The following SORCS2 variants were observed in gnomAD, a reference collection of about 807,000 sequenced individuals.
The protein encoded by SORCS2 is sortilin related VPS10 domain containing receptor 2.
SORCS2 carries 100 observed loss-of-function variants against 141.6 expected under a neutral mutation model. The ratio of observed to expected loss-of-function variants is 0.71; its 90% CI spans 0.60 to 0.83. SORCS2 has a LOEUF of 0.83. Ranked by LOEUF, SORCS2 falls within the 40% of genes least tolerant of loss-of-function variation. The pLI is 0.00. For synonymous variants in SORCS2, 789 were observed against 676.9 expected, an observed-to-expected ratio of 1.17 and a Z score of -2.57; for missense variants, 1,646 against 1,560.2, an observed-to-expected ratio of 1.05 and a Z score of -0.93.
Position 7,740,231 on chromosome 4 carries a change from C to T in SORCS2, c.3447C>T (p.Asn1149=), listed in dbSNP as rs780275829. 5.1e-5 allele frequency: 82 copies of T among 1,609,874 alleles called. No homozygotes were observed. Among genetic ancestry groups the T allele is most frequent in the Non-Finnish European group, 6.5e-5 (77 of 1,179,526 alleles). The change falls in exon 27 of 27, where the codon AAC becomes AAT. Residue 1149 remains asparagine, a synonymous_variant. Transcript: ENST00000507866. Reference sequence around the variant, plus strand: ...ACTCAGGCGTGGTCCTGAGCATCAACTCCCGAGAGATGCACAGCTACCTGG... The same window carrying T: ...ACTCAGGCGTGGTCCTGAGCATCAATTCCCGAGAGATGCACAGCTACCTGG... ...GNHSGVVLSI[N]SREMHSYLVS
rs755170106 is a variant in SORCS2, at chr4:7,740,681, C to T, written c.*417C>T. The T allele has an allele frequency of 5.4e-5, 15 of 278,836 alleles. No individual in the cohort carries two copies. Among genetic ancestry groups the T allele is most frequent in the Non-Finnish European group, 7.4e-5 (11 of 147,914 alleles). 17.3% of individuals were successfully genotyped at this position (278,836 alleles called of 1,614,324 possible). A position where few individuals can be genotyped will look rare whatever the true frequency, so the allele number is the denominator to read the frequency against. On this transcript the variant is annotated 3_prime_UTR_variant, in exon 27 of 27. Coordinates refer to ENST00000507866, the MANE Select transcript of SORCS2 (RefSeq NM_020777.3). ...TTGCGGGCTCCTTCCCCGCAGAGGC[C>T]GGGGCCTCCCTGACTTTGCTTCTTC...
chr4:7,694,373 C>T (rs369428641), intron 11 of SORCS2, among the ~76,000 whole-genome samples: 5 of 152,152 alleles, frequency 3.3e-5, no homozygotes. Flanking sequence ...TTTCTGGAGG[C>T]CCTTCCACTC....
intron 2 of SORCS2, among the ~76,000 whole-genome samples, chr4:7,493,070 G>A (rs1290741591): frequency 6.6e-6 from 1 of 152,202 alleles, no homozygotes; most frequent in Non-Finnish European, 1.5e-5. Flanking sequence ...TCTGGGGTGT[G>A]GCCATGCTCC....
intron 3 of SORCS2, among the ~76,000 whole-genome samples, chr4:7,582,097 T>A (rs1716198534): frequency 6.6e-6 from 1 of 152,208 alleles, no homozygotes; most frequent in African/African-American, 2.4e-5. Context: ...TACCACTTAT[T>A]GGAGACATAT....
At chr4:7,585,197 G>A (rs6835799) in intron 3 of SORCS2, among the ~76,000 whole-genome samples, 12,680 of 152,216 alleles carry the variant, frequency 0.083, 726 homozygotes, top group African/African-American at 0.16. Flanking sequence ...CAGGATGGTC[G>A]GGGAAGCCTC....
At chr4:7,510,840 C>A (rs1311929126) in intron 2 of SORCS2, among the ~76,000 whole-genome samples, 2 of 152,238 alleles carry the variant, frequency 1.3e-5, no homozygotes, top group Non-Finnish European at 2.9e-5. Context: ...CACCCAACAT[C>A]ATGCTCTGTC....
chr4:7,395,060 C>T (rs562578747), intron 1 of SORCS2, among the ~76,000 whole-genome samples: 33 of 152,330 alleles, frequency 2.2e-4, no homozygotes, highest in African/African-American at 5.3e-4. Context: ...AAGAGAAAAT[C>T]GCTTTGTTCC....
chr4:7,738,107 C>T (rs1033298321), intron 26 of SORCS2, among the ~76,000 whole-genome samples: 1 of 152,228 alleles, frequency 6.6e-6, no homozygotes, highest in Non-Finnish European at 1.5e-5. Flanking sequence ...GGGGAGGGGA[C>T]ACGGACTGCA....
chr4:7,215,419 C>A (rs544329666), intron 1 of SORCS2, among the ~76,000 whole-genome samples: 1 of 152,218 alleles, frequency 6.6e-6, no homozygotes, highest in African/African-American at 2.4e-5. Flanking sequence ...CCCCCGACTC[C>A]GTGGGTTCCT....
chr4:7,463,583 C>T (rs1729438954), intron 2 of SORCS2, among the ~76,000 whole-genome samples: 1 of 152,180 alleles, frequency 6.6e-6, no homozygotes, highest in Admixed American at 6.5e-5. Context: ...TTCTCCACGT[C>T]TCTGTTAAAA....
chr4:7,380,050 G>T (rs185309266), intron 1 of SORCS2, among the ~76,000 whole-genome samples: 3 of 152,250 alleles, frequency 2.0e-5, no homozygotes, highest in Admixed American at 6.5e-5. Context: ...GTCACCAAAG[G>T]TTGCTCAACA....
At chr4:7,707,324 C>A (rs1373248134) in intron 14 of SORCS2, among the ~76,000 whole-genome samples, 1 of 152,190 alleles carries the variant, frequency 6.6e-6, no homozygotes, top group East Asian at 1.9e-4. Flanking sequence ...CCTAGTCTGC[C>A]TCCCAGCTCC....
chr4:7,343,121 G>T (rs894451628), intron 1 of SORCS2, among the ~76,000 whole-genome samples: 5 of 151,886 alleles, frequency 3.3e-5, no homozygotes, highest in African/African-American at 1.2e-4. Context: ...CACGGCAACA[G>T]GAGCATTAGG....
chr4:7,737,641 A>T (rs1044118823), intron 26 of SORCS2, among the ~76,000 whole-genome samples: 1 of 152,192 alleles, frequency 6.6e-6, no homozygotes, highest in African/African-American at 2.4e-5. Context: ...TTTATGAAGC[A>T]TTTCCACTGA....
chr4:7,457,310 C>G (rs1274966819), intron 2 of SORCS2, among the ~76,000 whole-genome samples: 1 of 152,194 alleles, frequency 6.6e-6, no homozygotes, highest in Admixed American at 6.5e-5. Context: ...GACATGCAGC[C>G]AGGCCTGGAG....
At chr4:7,238,562 C>T (rs987293439) in intron 1 of SORCS2, among the ~76,000 whole-genome samples, 1 of 151,994 alleles carries the variant, frequency 6.6e-6, no homozygotes. Context: ...CGTGTGCTCA[C>T]GTGTGTGCAT....
intron 3 of SORCS2, among the ~76,000 whole-genome samples, chr4:7,554,110 GAAA>G (rs1560381646): frequency 4.8e-4 from 73 of 152,102 alleles, no homozygotes; most frequent in Admixed American, 2.1e-3. Flanking sequence ...AAATCATACG[GAAA>G]GGCCATAAGG....
chr4:7,222,419 A>G (rs1728762501), intron 1 of SORCS2, among the ~76,000 whole-genome samples: 1 of 152,238 alleles, frequency 6.6e-6, no homozygotes. Context: ...TGTCTATGGA[A>G]TGTCTAGAAT....
chr4:7,733,977 C>A (rs1711933031), intron 24 of SORCS2, among the ~76,000 whole-genome samples: 1 of 152,136 alleles, frequency 6.6e-6, no homozygotes. Context: ...ACAGCCTCCA[C>A]ACCAAGGAGG....
Sources: gnomAD v4.1 joint callset for allele counts (sites outside exome capture counted in the v4.1 genomes callset) on GRCh38, gnomAD v4.1.1 for gene constraint, MANE v1.5 for transcripts, NCBI Gene and HGNC (gene_info 2026-07-23, HGNC 2026-07-21) for gene names.